The following ARB2A variants were observed in gnomAD, a reference collection of about 807,000 sequenced individuals.
ARB2A encodes ARB2 cotranscriptional regulator A.
the ARB2A span, among the ~76,000 whole-genome samples, chr5:94,087,398 C>G: frequency 1.3e-5 from 2 of 151,562 alleles, no homozygotes; most frequent in African/African-American, 4.9e-5. Context: ...GAATAAAATC[C>G]CATCTCTTAA....
At chr5:93,812,603 G>A in the ARB2A span, among the ~76,000 whole-genome samples, 1 of 152,106 alleles carries the variant, frequency 6.6e-6, no homozygotes, top group Non-Finnish European at 1.5e-5. Flanking sequence ...GGTGAATGCA[G>A]TATGGAAATT....
chr5:93,784,468 T>G, the ARB2A span: 2 of 1,612,860 alleles, frequency 1.2e-6, no homozygotes, highest in Non-Finnish European at 1.7e-6. Flanking sequence ...AGCAGTTACC[T>G]TATTTTTTAC....
chr5:94,016,015 A>G, the ARB2A span, among the ~76,000 whole-genome samples: 5 of 152,202 alleles, frequency 3.3e-5, no homozygotes, highest in Non-Finnish European at 7.4e-5. Context: ...GTAAGAAACA[A>G]GACCCAATTA....
chr5:94,090,967 T>C, the ARB2A span, among the ~76,000 whole-genome samples: 2 of 152,138 alleles, frequency 1.3e-5, no homozygotes, highest in East Asian at 1.9e-4. Flanking sequence ...TTTATCAAAA[T>C]AGGAATGCTT....
At chr5:94,050,358 G>A in the ARB2A span, among the ~76,000 whole-genome samples, 93 of 150,788 alleles carry the variant, frequency 6.2e-4, no homozygotes, top group Admixed American at 1.3e-3. Flanking sequence ...AGGTTCAAGC[G>A]ATTCTCCTGC....
At chr5:93,701,850 C>T in the ARB2A span, among the ~76,000 whole-genome samples, 4 of 152,108 alleles carry the variant, frequency 2.6e-5, no homozygotes, top group Non-Finnish European at 5.9e-5. Flanking sequence ...GGCTTACTTG[C>T]CTGCCGTAAA....
chr5:94,021,108 A>G, the ARB2A span, among the ~76,000 whole-genome samples: 26 of 150,334 alleles, frequency 1.7e-4, no homozygotes, highest in South Asian at 4.0e-3. Flanking sequence ...CTCCACGACT[A>G]AAAAAAAAAT....
At chr5:94,041,326 G>T in the ARB2A span, among the ~76,000 whole-genome samples, 1 of 152,004 alleles carries the variant, frequency 6.6e-6, no homozygotes, top group Non-Finnish European at 1.5e-5. Context: ...AGACGGCCCA[G>T]CAAACTGGTC....
the ARB2A span, among the ~76,000 whole-genome samples, chr5:93,853,683 G>A: frequency 2.0e-5 from 3 of 152,182 alleles, no homozygotes; most frequent in African/African-American, 7.2e-5. Flanking sequence ...GTTGAATGTT[G>A]TCAAAGGCCT....
the ARB2A span, among the ~76,000 whole-genome samples, chr5:93,830,311 G>GTGTATGTGTGTATATATATA: frequency 1.2e-5 from 1 of 82,260 alleles, no homozygotes; most frequent in African/African-American, 5.2e-5. Context: ...GTGTGTGTGT[G>GTGTATGTGTGTATATATATA]TATATATATA....
At chr5:93,726,804 A>C in the ARB2A span, among the ~76,000 whole-genome samples, 7 of 152,060 alleles carry the variant, frequency 4.6e-5, no homozygotes, top group Non-Finnish European at 8.8e-5. Flanking sequence ...CTTGATATTC[A>C]TGTATTCATG....
At chr5:94,040,545 T>C in the ARB2A span, among the ~76,000 whole-genome samples, 1 of 118,256 alleles carries the variant, frequency 8.5e-6, no homozygotes, top group Admixed American at 1.2e-4. Context: ...GATATTCCCC[T>C]TCCTGTGTCC....
the ARB2A span, among the ~76,000 whole-genome samples, chr5:93,947,786 G>A: frequency 6.7e-5 from 10 of 149,428 alleles, no homozygotes; most frequent in Admixed American, 2.7e-4. Flanking sequence ...TTGTTCTTGC[G>A]ATAGTTTACT....
chr5:93,869,090 G>A, the ARB2A span, among the ~76,000 whole-genome samples: 1 of 152,168 alleles, frequency 6.6e-6, no homozygotes, highest in Non-Finnish European at 1.5e-5. Flanking sequence ...GTATAACTAT[G>A]AGTAAGTCTG....
the ARB2A span, among the ~76,000 whole-genome samples, chr5:93,939,943 G>C: frequency 2.0e-5 from 3 of 151,690 alleles, no homozygotes; most frequent in Non-Finnish European, 4.4e-5. Flanking sequence ...GAATGGCCTT[G>C]AAACTGTATC....
the ARB2A span, among the ~76,000 whole-genome samples, chr5:93,877,290 C>T: frequency 6.6e-6 from 1 of 152,168 alleles, no homozygotes; most frequent in African/African-American, 2.4e-5. Context: ...CTATACTCTA[C>T]ACATAGTCTC....
the ARB2A span, among the ~76,000 whole-genome samples, chr5:94,080,639 T>G: frequency 5.3e-5 from 8 of 152,290 alleles, no homozygotes; most frequent in Admixed American, 5.2e-4. Flanking sequence ...ACCTTTCCAC[T>G]GCTGACCCTC....
chr5:93,770,891 T>C, the ARB2A span, among the ~76,000 whole-genome samples: 1 of 152,150 alleles, frequency 6.6e-6, no homozygotes, highest in African/African-American at 2.4e-5. Context: ...AGGTAATTTA[T>C]AGATTCAATG....
the ARB2A span, among the ~76,000 whole-genome samples, chr5:93,662,367 C>A: frequency 3.9e-5 from 6 of 152,170 alleles, no homozygotes; most frequent in East Asian, 9.7e-4. Context: ...AGTTCAGCTA[C>A]CAGGGTAAAT....
Sources: gnomAD v4.1 joint callset for allele counts (sites outside exome capture counted in the v4.1 genomes callset) on GRCh38, gnomAD v4.1.1 for gene constraint, MANE v1.5 for transcripts, NCBI Gene and HGNC (gene_info 2026-07-23, HGNC 2026-07-21) for gene names.